The following CRLF3 variants were observed in gnomAD, a reference collection of about 807,000 sequenced individuals.
The protein encoded by CRLF3 is cytokine receptor like factor 3, also known as cytokine receptor-like factor 3.
In CRLF3, 33 loss-of-function variants were observed where a neutral mutation model predicts 55.0. The observed-to-expected ratio is 0.60, with a 90% CI of 0.46 to 0.80. CRLF3 has a LOEUF of 0.80. Ranked by LOEUF, CRLF3 falls within the 30% of genes least tolerant of loss-of-function variation. The pLI is 0.00. For missense variants in CRLF3, 494 were observed against 538.4 expected (o/e 0.92, Z 0.82); for synonymous variants, 238 against 196.8 (o/e 1.21, Z -1.75).
At chr17:30,786,176 C>T (rs988817700) in intron 6 of CRLF3, 145 bp from the exon 7 acceptor site, 6 of 578,862 alleles carry the variant, frequency 1.0e-5, no homozygotes, top group Non-Finnish European at 1.8e-5. Context: ...TCTTGCTATA[C>T]TCCAGGCACT....
intron 1 of CRLF3, among the ~76,000 whole-genome samples, chr17:30,818,614 C>T (rs1424998956): frequency 2.7e-5 from 4 of 150,682 alleles, no homozygotes; most frequent in African/African-American, 7.3e-5. Flanking sequence ...CCACCACACC[C>T]GGCTAATTTT....
chr17:30,815,666 C>CGAGG (rs1904776136), intron 1 of CRLF3, among the ~76,000 whole-genome samples: 1 of 150,254 alleles, frequency 6.7e-6, no homozygotes, highest in South Asian at 2.1e-4. Flanking sequence ...GCCTCAGCCT[C>CGAGG]CTGAGCAGCT....
At chr17:30,808,275 ATATTTTTTT>A (rs1904484274) in intron 1 of CRLF3, among the ~76,000 whole-genome samples, 3 of 103,432 alleles carry the variant, frequency 2.9e-5, no homozygotes, top group African/African-American at 7.6e-5. Flanking sequence ...CCTAGAACCT[ATATTTTTTT>A]TTTTTTTTTT....
intron 1 of CRLF3, among the ~76,000 whole-genome samples, chr17:30,812,531 C>CT (rs1904658219): frequency 6.6e-6 from 1 of 152,030 alleles, no homozygotes; most frequent in African/African-American, 2.4e-5. Context: ...ACACTTAAGA[C>CT]TTTTTTAGAA....
chr17:30,818,247 C>T (rs1364499008), intron 1 of CRLF3, among the ~76,000 whole-genome samples: 2 of 151,154 alleles, frequency 1.3e-5, no homozygotes, highest in South Asian at 2.1e-4. Context: ...GCGACAAGAG[C>T]GAAACTTCAT....
chr17:30,787,249 G>C (rs1971669318), intron 6 of CRLF3, among the ~76,000 whole-genome samples: 1 of 152,164 alleles, frequency 6.6e-6, no homozygotes, highest in African/African-American at 2.4e-5. Flanking sequence ...TGTAACTATT[G>C]CTGCCAGCGC....
intron 1 of CRLF3, among the ~76,000 whole-genome samples, chr17:30,807,802 G>A (rs373390624): frequency 6.6e-6 from 1 of 152,070 alleles, no homozygotes; most frequent in Non-Finnish European, 1.5e-5. Context: ...GGGATAAGGC[G>A]TGAGCCACCT....
At chr17:30,807,713 A>C (rs1904460772) in intron 1 of CRLF3, among the ~76,000 whole-genome samples, 1 of 151,610 alleles carries the variant, frequency 6.6e-6, no homozygotes, top group Non-Finnish European at 1.5e-5. Flanking sequence ...TTGTATTTTT[A>C]GTAGAGACAA....
At chr17:30,803,782 T>G (rs1192349982) in intron 2 of CRLF3, 119 bp downstream of exon 2, 2 of 776,952 alleles carry the variant, frequency 2.6e-6, no homozygotes, top group African/African-American at 3.4e-5. Context: ...CCCAGCCACA[T>G]GGAACTGTAA....
At chr17:30,808,606 AT>A (rs1048761063) in intron 1 of CRLF3, among the ~76,000 whole-genome samples, 8 of 136,218 alleles carry the variant, frequency 5.9e-5, no homozygotes, top group African/African-American at 1.1e-4. Context: ...ATATATATAT[AT>A]TTTTTTTTTG....
chr17:30,815,067 TTCTTTTTTC>T (rs1904747747), intron 1 of CRLF3, among the ~76,000 whole-genome samples: 1 of 150,298 alleles, frequency 6.7e-6, no homozygotes, highest in African/African-American at 2.5e-5. Flanking sequence ...ATTTTTTTCT[TTCTTTTTTC>T]TTTCTTTCTT....
chr17:30,800,384 A>C (rs1308792535), intron 2 of CRLF3, among the ~76,000 whole-genome samples: 2 of 152,114 alleles, frequency 1.3e-5, no homozygotes, highest in African/African-American at 4.8e-5. Flanking sequence ...CATCTTAAGC[A>C]CCTCAAACTC....
At position 30,785,952 on chromosome 17, in the gene CRLF3, G is replaced by A. The variant is rs1464747954; in HGVS notation, c.1039C>T (p.Gln347Ter). 6.2e-7 allele frequency: 1 copy of A among 1,609,864 alleles called. No individual in the cohort carries two copies. Among genetic ancestry groups the A allele is most frequent in the Non-Finnish European group, 8.5e-7 (1 of 1,176,242 alleles). The part of the protein sequence containing the change: ...AEKQDGYDSL[Q>*]RDQAVCISTN... ...CTAATGCACACAGCTTGATCCCGCT[G>A]CAGAGAGTCATATCCATCCTGTTTT... Residue 347 changes from glutamine to a stop codon, truncating the protein, a stop_gained, in exon 7 of 8, where the codon CAG becomes TAG. Coordinates refer to ENST00000324238, the MANE Select transcript of CRLF3 (RefSeq NM_015986.4). LOFTEE classifies it high-confidence loss of function.
At chr17:30,797,540 A>T (rs763620556) in intron 2 of CRLF3, 142 bp from the exon 3 acceptor site, 44 of 663,066 alleles carry the variant, frequency 6.6e-5, no homozygotes, top group Non-Finnish European at 7.7e-5. Flanking sequence ...AAAAAGTTAA[A>T]GTAGAAACTA....
Position 30,783,228 on chromosome 17 carries a change from T to A in CRLF3, c.*959A>T, listed in dbSNP as rs1971541191. ...ACTACTGCCATAACTAGTTTTACCC[T>A]GTAAAAATACTGTAGCCTATACTGT... On this transcript the variant is annotated 3_prime_UTR_variant, in exon 8 of 8. Transcript: ENST00000324238. The A allele has an allele frequency of 6.6e-6, 1 of 152,192 alleles. No individual in the cohort carries two copies. The highest frequency in any genetic ancestry group is 1.5e-5 in the Non-Finnish European group (1 of 68,044). 9.4% of individuals were successfully genotyped at this position (152,192 alleles called of 1,614,324 possible).
At chr17:30,816,885 A>C (rs1420134069) in intron 1 of CRLF3, among the ~76,000 whole-genome samples, 3 of 152,184 alleles carry the variant, frequency 2.0e-5, no homozygotes, top group South Asian at 4.1e-4. Flanking sequence ...CCCTAGGAGC[A>C]ATAGAATATA....
intron 1 of CRLF3, among the ~76,000 whole-genome samples, chr17:30,805,078 G>A (rs549217918): frequency 3.7e-4 from 57 of 152,222 alleles, no homozygotes; most frequent in African/African-American, 1.3e-3. Context: ...AGCTACTTGC[G>A]AGGCTGAGGC....
chr17:30,784,179 C>T lies in CRLF3; in HGVS notation c.*8G>A. The T allele has an allele frequency of 6.2e-7, 1 of 1,609,596 alleles. No individual in the cohort carries two copies. On this transcript the variant is annotated 3_prime_UTR_variant, in exon 8 of 8. Coordinates refer to ENST00000324238, the MANE Select transcript of CRLF3 (RefSeq NM_015986.4). ...GACCCTGAAAACCAAAGCCAAGCAC[C>T]CAAACATCTAAAACACTAACACTTT... is the stretch of plus-strand genomic sequence containing the variant.
In CRLF3 at chr17:30,824,546, C is replaced by A; in HGVS notation, c.106G>T (p.Gly36Trp). The A allele has an allele frequency of 1.3e-6, 2 of 1,597,962 alleles. No homozygotes were observed. The highest frequency in any genetic ancestry group is 8.5e-7 in the Non-Finnish European group (1 of 1,177,058). Residue 36 changes from glycine to tryptophan, a missense_variant, in exon 1 of 8, where the codon GGG becomes TGG. Coordinates refer to ENST00000324238, the MANE Select transcript of CRLF3 (RefSeq NM_015986.4). ...YRRELGHRLEGLREARRQIKE... is the reference protein window; with the variant it reads ...YRRELGHRLEWLREARRQIKE... The stretch of plus-strand genomic sequence containing the variant: ...ACCTGCCTCCGCGCCTCACGCAGCC[C>A]CTCAAGCCGGTGACCCAGCTCCCGC...
Sources: allele counts gnomAD v4.1 joint callset (sites outside exome capture counted in the v4.1 genomes callset), GRCh38; gene constraint gnomAD v4.1.1; transcripts MANE v1.5; gene names NCBI Gene and HGNC (gene_info 2026-07-23, HGNC 2026-07-21).